The following CADM1 variants were observed in gnomAD, a reference collection of about 807,000 sequenced individuals.
CADM1 encodes the protein cell adhesion molecule 1.
In CADM1, 15 loss-of-function variants were observed where a neutral mutation model predicts 53.1. The observed-to-expected ratio is 0.28, with a 90% CI of 0.19 to 0.44. CADM1 has a LOEUF of 0.44. CADM1 is among the 20% of genes least tolerant of loss of function. CADM1 has a pLI of 1.00. For missense variants in CADM1, 434 were observed against 611.3 expected, an observed-to-expected ratio of 0.71 and a Z score of 3.06; for synonymous variants, 281 against 243.0, an observed-to-expected ratio of 1.16 and a Z score of -1.45.
At chr11:115,250,180 A>G (rs7119022) in intron 1 of CADM1, among the ~76,000 whole-genome samples, 45,060 of 152,130 alleles carry the variant, frequency 0.3, 7,363 homozygotes, top group East Asian at 0.73. Context: ...TGGGATTACA[A>G]GCATGAGCCA....
chr11:115,353,633 G>C (rs766875666), intron 1 of CADM1, among the ~76,000 whole-genome samples: 6 of 152,138 alleles, frequency 3.9e-5, no homozygotes, highest in Non-Finnish European at 8.8e-5. Flanking sequence ...GACTGAGATA[G>C]AATACGCAGA....
chr11:115,459,910 G>A (rs977800497), intron 1 of CADM1, among the ~76,000 whole-genome samples: 6 of 152,104 alleles, frequency 3.9e-5, no homozygotes, highest in Non-Finnish European at 8.8e-5. Flanking sequence ...ACTCAGGCCA[G>A]ACTACTTCTG....
chr11:115,328,691 T>TAC, intron 1 of CADM1, among the ~76,000 whole-genome samples: 1 of 19,078 alleles, frequency 5.2e-5, no homozygotes, highest in Non-Finnish European at 8.0e-5. Context: ...TATATATATG[T>TAC]GTATATATAT....
intron 6 of CADM1, among the ~76,000 whole-genome samples, chr11:115,216,823 T>C (rs887903553): frequency 5.3e-5 from 8 of 152,218 alleles, no homozygotes; most frequent in African/African-American, 1.9e-4. Flanking sequence ...TTCTGGTCTC[T>C]TGTCATAGAT....
At chr11:115,183,112 G>T (rs1429081943) in intron 10 of CADM1, among the ~76,000 whole-genome samples, 1 of 152,202 alleles carries the variant, frequency 6.6e-6, no homozygotes, top group East Asian at 1.9e-4. Flanking sequence ...TGGGCAATAA[G>T]AAGGGGAAGT....
At chr11:115,293,364 C>T (rs1308511804) in intron 1 of CADM1, among the ~76,000 whole-genome samples, 2 of 151,942 alleles carry the variant, frequency 1.3e-5, no homozygotes, top group African/African-American at 4.8e-5. Context: ...ACCCGGCAGG[C>T]GGAGCTTGCA....
chr11:115,494,370 T>A (rs1949565411), intron 1 of CADM1, among the ~76,000 whole-genome samples: 1 of 152,208 alleles, frequency 6.6e-6, no homozygotes, highest in Admixed American at 6.5e-5. Flanking sequence ...TGCTCATTTT[T>A]CTACCAAATG....
intron 1 of CADM1, among the ~76,000 whole-genome samples, chr11:115,467,163 C>G (rs980524101): frequency 1.3e-5 from 2 of 152,184 alleles, no homozygotes; most frequent in Non-Finnish European, 2.9e-5. Context: ...TGAAGACACT[C>G]ATGATATGCA....
intron 1 of CADM1, among the ~76,000 whole-genome samples, chr11:115,267,984 G>C (rs920989550): frequency 2.6e-5 from 4 of 152,192 alleles, no homozygotes; most frequent in African/African-American, 4.8e-5. Flanking sequence ...AGAATATATC[G>C]TTAACACATC....
chr11:115,282,621 G>C (rs563892360), intron 1 of CADM1, among the ~76,000 whole-genome samples: 7 of 152,282 alleles, frequency 4.6e-5, no homozygotes, highest in Non-Finnish European at 8.8e-5. Flanking sequence ...GGGGAGCTGT[G>C]ATGGGAGGAC....
At chr11:115,298,022 A>C (rs1015057718) in intron 1 of CADM1, among the ~76,000 whole-genome samples, 2 of 152,202 alleles carry the variant, frequency 1.3e-5, no homozygotes, top group African/African-American at 4.8e-5. Flanking sequence ...CATCACACAG[A>C]GGCAGAATAT....
intron 1 of CADM1, among the ~76,000 whole-genome samples, chr11:115,307,868 A>G (rs1045854818): frequency 6.6e-6 from 1 of 151,872 alleles, no homozygotes. Flanking sequence ...TGTCACACCT[A>G]TACCCTAGTG....
chr11:115,398,142 G>A (rs1216501182), intron 1 of CADM1, among the ~76,000 whole-genome samples: 1 of 152,216 alleles, frequency 6.6e-6, no homozygotes. Context: ...TGAGGTTTCT[G>A]CATTCAATGG....
In CADM1 at chr11:115,391,970, AC is replaced by A. The variant is rs1409640197; in HGVS notation, c.124+112300del. 3.9e-5 allele frequency among the ~76,000 whole-genome samples: 6 copies of A among 152,330 alleles called. No homozygotes were observed. The East Asian group carries it at 1.2e-3, about 29-fold the overall frequency. Reference sequence around the variant, plus strand: ...GAATTAAATCTGTGTTATTAAAAAAACAAAATATCAGGCCCACACTAACAAT... The same window carrying A: ...GAATTAAATCTGTGTTATTAAAAAAAAAAATATCAGGCCCACACTAACAAT... On this transcript the variant is annotated intron_variant, in intron 1 of 11. Transcript: ENST00000331581.
rs1403733118 is a variant in CADM1 at position 115,176,066 on chromosome 11, CA to C, written c.*407del. On this transcript the variant is annotated 3_prime_UTR_variant, in exon 12 of 12. Coordinates refer to ENST00000331581, the MANE Select transcript of CADM1 (RefSeq NM_001301043.2). ...AAAGAGTCTAAGGAATCCCAGCAGG[CA>C]AATTCCAAAATGGGAGATTTTGGAA... The C allele has an allele frequency of 2.8e-6, 3 of 1,082,158 alleles. No individual in the cohort carries two copies. Among genetic ancestry groups the C allele is most frequent in the Admixed American group, 9.8e-5 (2 of 20,362 alleles). 67.0% of individuals were successfully genotyped at this position (1,082,158 alleles called of 1,614,324 possible). A position where few individuals can be genotyped will look rare whatever the true frequency, so the allele number is the denominator to read the frequency against.
rs551592767 is a variant in CADM1 at position 115,486,168 on chromosome 11, A to G, written c.124+18103T>C. 2.0e-5 allele frequency among the ~76,000 whole-genome samples: 3 copies of G among 152,166 alleles called. No homozygotes were observed. The South Asian group carries it at 6.2e-4, about 32-fold the overall frequency. Reference sequence around the variant, plus strand: ...TTTTTGTTGTCTTGCTTGAACTATTATACTCCTAACCAATCTCTCCATTTC... The same window carrying G: ...TTTTTGTTGTCTTGCTTGAACTATTGTACTCCTAACCAATCTCTCCATTTC... On this transcript the variant is annotated intron_variant, in intron 1 of 11. Transcript: ENST00000331581.
chr11:115,371,607 C>T (rs752094857), intron 1 of CADM1, among the ~76,000 whole-genome samples: 21 of 149,928 alleles, frequency 1.4e-4, no homozygotes, highest in Non-Finnish European at 1.8e-4. Flanking sequence ...GATCTAAACA[C>T]GCAATTAAAA....
intron 1 of CADM1, among the ~76,000 whole-genome samples, chr11:115,445,006 AAC>A (rs1948418297): frequency 1.3e-5 from 2 of 152,346 alleles, no homozygotes; most frequent in African/African-American, 4.8e-5. Context: ...CATAGTGACA[AAC>A]ACAGTTTTAA....
At chr11:115,324,171 A>T (rs756704090) in intron 1 of CADM1, among the ~76,000 whole-genome samples, 2 of 152,206 alleles carry the variant, frequency 1.3e-5, no homozygotes. Flanking sequence ...ATGAGATGCT[A>T]ATGAATGAAA....
Sources: allele counts gnomAD v4.1 joint callset (sites outside exome capture counted in the v4.1 genomes callset), GRCh38; gene constraint gnomAD v4.1.1; transcripts MANE v1.5; gene names NCBI Gene and HGNC (gene_info 2026-07-23, HGNC 2026-07-21).